The following CAMTA1 variants were observed in gnomAD, a reference collection of about 807,000 sequenced individuals.
CAMTA1 encodes the protein calmodulin binding transcription activator 1.
In CAMTA1, 27 loss-of-function variants were observed where a neutral mutation model predicts 170.9. The observed-to-expected ratio is 0.16, with a 90% CI of 0.12 to 0.22. The LOEUF is 0.22. CAMTA1 is among the 10% of genes least tolerant of loss of function. The probability of loss-of-function intolerance (pLI) is 1.00; values close to 1 mark genes in which losing one functional copy is unlikely to be tolerated. For missense variants in CAMTA1, 1,619 were observed against 2,217.2 expected (o/e 0.73, Z 5.42); for synonymous variants, 833 against 891.5 (o/e 0.93, Z 1.17).
rs2096252829 is a variant in CAMTA1, at chr1:7,685,789, G to C, written c.2914+8056G>C. On this transcript the variant is annotated intron_variant, in intron 11 of 22. Coordinates refer to ENST00000303635, the MANE Select transcript of CAMTA1 (RefSeq NM_015215.4). The surrounding 1 kb of genome is among the most constrained non-coding windows in gnomAD (Gnocchi z 5.7). ...CATCTAACGGCCTACAGGGCAGCTT[G>C]ACCCACGTTTCTCTTGGGCAAGCCA... Among the ~76,000 whole-genome samples, 1 of 152,154 alleles carries C rather than the reference G, an allele frequency of 6.6e-6. No individual in the cohort carries two copies. The highest frequency in any genetic ancestry group is 6.5e-5 in the Admixed American group (1 of 15,278).
intron 5 of CAMTA1, among the ~76,000 whole-genome samples, chr1:7,425,678 C>T (rs895221041): frequency 6.7e-5 from 10 of 148,596 alleles, no homozygotes; most frequent in South Asian, 6.5e-4. Flanking sequence ...GACTCAAAGA[C>T]GTCAGGCATG....
At chr1:6,924,336 G>A (rs902524731) in intron 3 of CAMTA1, among the ~76,000 whole-genome samples, 2 of 124,182 alleles carry the variant, frequency 1.6e-5, no homozygotes, top group African/African-American at 2.6e-5. Context: ...GCTGGGAGGG[G>A]GTCAGGCCAG....
intron 5 of CAMTA1, among the ~76,000 whole-genome samples, chr1:7,256,364 C>T (rs1472074589): frequency 6.6e-6 from 1 of 152,010 alleles, no homozygotes; most frequent in Non-Finnish European, 1.5e-5. Flanking sequence ...TCGAGACCAA[C>T]CTGGCTAACA....
chr1:6,989,944 C>A (rs1165771158), intron 3 of CAMTA1, among the ~76,000 whole-genome samples: 1 of 152,166 alleles, frequency 6.6e-6, no homozygotes, highest in Non-Finnish European at 1.5e-5. Flanking sequence ...GGGAGTGGGG[C>A]AGCAACATGA....
At chr1:7,410,050 G>A (rs982302078) in intron 5 of CAMTA1, among the ~76,000 whole-genome samples, 8 of 152,194 alleles carry the variant, frequency 5.3e-5, no homozygotes, top group African/African-American at 1.9e-4. Flanking sequence ...GTAGGTTTGT[G>A]TTTCAAAGAG....
intron 3 of CAMTA1, among the ~76,000 whole-genome samples, chr1:6,969,827 G>T (rs1692218921): frequency 6.6e-6 from 1 of 152,114 alleles, no homozygotes; most frequent in Admixed American, 6.5e-5. Flanking sequence ...ATTATTACAG[G>T]AATTTGCAAA....
At chr1:7,678,271 T>C (rs2096144485) in intron 11 of CAMTA1, among the ~76,000 whole-genome samples, 1 of 152,248 alleles carries the variant, frequency 6.6e-6, no homozygotes, top group African/African-American at 2.4e-5. Flanking sequence ...AATCTTCTCC[T>C]GGAAGCCCTC....
chr1:7,518,864 A>C (rs1036838690), intron 6 of CAMTA1, among the ~76,000 whole-genome samples: 27 of 152,082 alleles, frequency 1.8e-4, no homozygotes, highest in African/African-American at 6.5e-4. Flanking sequence ...CCATACCCTC[A>C]TTGAGTGCTC....
chr1:7,505,075 A>T (rs12057894), intron 6 of CAMTA1, among the ~76,000 whole-genome samples: 43,175 of 139,564 alleles, frequency 0.31, 5,473 homozygotes, highest in Middle Eastern at 0.42. Context: ...AGTTCAGTGT[A>T]GCGCACAGCC....
intron 5 of CAMTA1, among the ~76,000 whole-genome samples, chr1:7,421,156 T>A (rs1477178572): frequency 7.2e-6 from 1 of 139,710 alleles, no homozygotes; most frequent in Non-Finnish European, 1.6e-5. Flanking sequence ...TCTTTCTTTC[T>A]TTTTTTTTTT....
chr1:7,423,069 A>G (rs897516409), intron 5 of CAMTA1, among the ~76,000 whole-genome samples: 5 of 152,112 alleles, frequency 3.3e-5, no homozygotes, highest in Non-Finnish European at 7.3e-5. Flanking sequence ...TCATGAAGAC[A>G]GCATGAGTTA....
chr1:7,532,139 C>T lies in CAMTA1; in HGVS notation c.510+64238C>T, dbSNP rs971852155. ...AGCGGTACCTGGAGGCTCCCGGGCC[C>T]ACCCGAGCCCTAAGCTGCAGCCCTT... On this transcript the variant is annotated intron_variant, in intron 6 of 22. Coordinates refer to ENST00000303635, the MANE Select transcript of CAMTA1 (RefSeq NM_015215.4). The surrounding 1 kb of genome is among the most constrained non-coding windows in gnomAD (Gnocchi z 4.2). Among the ~76,000 whole-genome samples the T allele has an allele frequency of 5.3e-5, 8 of 151,994 alleles. No homozygotes were observed. The highest frequency in any genetic ancestry group is 1.0e-4 in the Non-Finnish European group (7 of 68,038).
chr1:7,561,733 C>A lies in CAMTA1; in HGVS notation c.511-78667C>A, dbSNP rs1006844490. Among the ~76,000 whole-genome samples, 1 of 150,700 alleles carries A rather than the reference C, an allele frequency of 6.6e-6. No homozygotes were observed. Among genetic ancestry groups the A allele is most frequent in the Non-Finnish European group, 1.5e-5 (1 of 67,618 alleles). ...GGCCACTGTGTTAGATTCTTCACGA[C>A]GCCTGTCAGAGGCCACCCCTCCCCA... On this transcript the variant is annotated intron_variant, in intron 6 of 22. Transcript: ENST00000303635. The surrounding 1 kb of genome is among the most constrained non-coding windows in gnomAD (Gnocchi z 5.3).
rs1186632985 is a variant in CAMTA1 at position 7,748,128 on chromosome 1, T to C, written c.4689+347T>C. On this transcript the variant is annotated intron_variant, in intron 19 of 22. Coordinates refer to ENST00000303635, the MANE Select transcript of CAMTA1 (RefSeq NM_015215.4). The surrounding 1 kb of genome is among the most constrained non-coding windows in gnomAD (Gnocchi z 4.7). ...GGGTTTCACCATGTTGCCAGGCTGG[T>C]CTTGAACTCCTGACCTCAAGTGATC... Among the ~76,000 whole-genome samples the C allele has an allele frequency of 6.6e-6, 1 of 152,032 alleles. No individual in the cohort carries two copies. The highest frequency in any genetic ancestry group is 6.5e-5 in the Admixed American group (1 of 15,272).
At chr1:7,638,735 A>T (rs2095736138) in intron 6 of CAMTA1, among the ~76,000 whole-genome samples, 1 of 152,154 alleles carries the variant, frequency 6.6e-6, no homozygotes, top group South Asian at 2.1e-4. Flanking sequence ...CTAGAAAGTG[A>T]CAGGATTGCT....
At chr1:7,722,331 C>CA (rs2096654692) in intron 11 of CAMTA1, among the ~76,000 whole-genome samples, 2 of 152,130 alleles carry the variant, frequency 1.3e-5, no homozygotes, top group South Asian at 2.1e-4. Context: ...GAACCCCTGT[C>CA]AGAGAAAGAG....
In CAMTA1 at chr1:7,736,217, T is replaced by C. The variant is rs2096771375; in HGVS notation, c.3067-127T>C. On this transcript the variant is annotated intron_variant, in intron 12 of 22. Coordinates refer to ENST00000303635, the MANE Select transcript of CAMTA1 (RefSeq NM_015215.4). The surrounding 1 kb of genome is among the most constrained non-coding windows in gnomAD (Gnocchi z 4.5). ...AGCATGCCCAGCCAATGTTTCTTTATTTTCAGTGTTTTATGTTTTCCGTTG... is the reference window on the plus strand; with the variant it reads ...AGCATGCCCAGCCAATGTTTCTTTACTTTCAGTGTTTTATGTTTTCCGTTG... 1.2e-6 allele frequency: 1 copy of C among 828,850 alleles called. No individual in the cohort carries two copies. The highest frequency in any genetic ancestry group is 1.7e-5 in the African/African-American group (1 of 57,982). The allele number at this position is 828,850 out of a possible 1,614,324, so 51.3% of individuals were successfully genotyped here.
intron 6 of CAMTA1, among the ~76,000 whole-genome samples, chr1:7,480,075 G>T (rs1396853095): frequency 6.6e-6 from 1 of 151,730 alleles, no homozygotes; most frequent in Non-Finnish European, 1.5e-5. Context: ...TTGTGTGAGT[G>T]CATGTGTCCG....
chr1:7,614,719 C>G (rs1424580248), intron 6 of CAMTA1, among the ~76,000 whole-genome samples: 1 of 152,210 alleles, frequency 6.6e-6, no homozygotes, highest in Non-Finnish European at 1.5e-5. Context: ...AATCCACCAT[C>G]AGCCTGCCTG....
Sources: allele counts gnomAD v4.1 joint callset (sites outside exome capture counted in the v4.1 genomes callset), GRCh38; gene constraint gnomAD v4.1.1; non-coding constraint Gnocchi (gnomAD v3.1); transcripts MANE v1.5; gene names NCBI Gene and HGNC (gene_info 2026-07-23, HGNC 2026-07-21).